The following ACTR3C variants were observed in gnomAD, a reference collection of about 807,000 sequenced individuals.
ACTR3C encodes actin related protein 3C.
In ACTR3C, 18 loss-of-function variants were observed where a neutral mutation model predicts 26.3. The observed-to-expected ratio is 0.68, with a 90% CI of 0.47 to 1.01. The LOEUF is 1.01. Ranked by LOEUF, ACTR3C falls within the 50% of genes least tolerant of loss-of-function variation. ACTR3C has a pLI of 0.00. For synonymous variants in ACTR3C, 55 were observed against 94.5 expected (o/e 0.58, Z 2.42); for missense variants, 184 against 250.7 (o/e 0.73, Z 1.80).
the ACTR3C span, among the ~76,000 whole-genome samples, chr7:149,934,173 T>C: frequency 4.6e-5 from 7 of 151,838 alleles, no homozygotes; most frequent in Non-Finnish European, 1.0e-4. Flanking sequence ...ATTCCAGGTG[T>C]CAAGTTTGAC....
downstream of ACTR3C, among the ~76,000 whole-genome samples, chr7:150,242,268 C>A (rs945168280): frequency 6.6e-6 from 1 of 150,650 alleles, no homozygotes; most frequent in Non-Finnish European, 1.5e-5. Flanking sequence ...AATGGAAGTA[C>A]TACTCATTGA....
chr7:149,950,079 A>ACCCCACT, the ACTR3C span, among the ~76,000 whole-genome samples: 7 of 149,104 alleles, frequency 4.7e-5, no homozygotes, highest in Non-Finnish European at 8.9e-5. Context: ...TGCTCCCTCC[A>ACCCCACT]CCCCACTCCC....
At chr7:150,180,598 C>T in the ACTR3C span, among the ~76,000 whole-genome samples, 179 of 146,896 alleles carry the variant, frequency 1.2e-3, 7 homozygotes, top group African/African-American at 4.6e-3. Flanking sequence ...CTGCAAGCTC[C>T]GCCTCCCGGG....
At chr7:150,116,833 C>T in the ACTR3C span, among the ~76,000 whole-genome samples, 3,261 of 152,156 alleles carry the variant, frequency 0.021, 129 homozygotes, top group African/African-American at 0.073. Flanking sequence ...CAGCTCCCAG[C>T]GAGACCAATG....
chr7:150,051,440 C>CA, the ACTR3C span, among the ~76,000 whole-genome samples: 7 of 150,132 alleles, frequency 4.7e-5, no homozygotes, highest in East Asian at 1.4e-3. Context: ...CAAAAGTACC[C>CA]AATGGGCATT....
the ACTR3C span, among the ~76,000 whole-genome samples, chr7:149,899,747 C>A: frequency 6.6e-6 from 1 of 151,358 alleles, no homozygotes. Flanking sequence ...CTAAAACTGC[C>A]AAATTTGGCA....
At chr7:149,976,346 G>A in the ACTR3C span, among the ~76,000 whole-genome samples, 2 of 152,198 alleles carry the variant, frequency 1.3e-5, no homozygotes, top group East Asian at 1.9e-4. Flanking sequence ...AGGCTGAGGC[G>A]GGCGGATCAC....
chr7:150,293,329 T>C lies in ACTR3C; in HGVS notation c.136A>G (p.Thr46Ala). Residue 46 changes from threonine to alanine, a missense_variant, in exon 3 of 8, where the codon ACC becomes GCC. Physicochemically the swap from Thr to Ala is moderately conservative, Grantham distance 58. Coordinates refer to ENST00000683684, the MANE Select transcript of ACTR3C (RefSeq NM_001164458.2). ...CTGCTTACCACTGGGATAACATGGG[T>C]GACTCCATCTCCGCTGTCAATGACT... ...GIVIDSGDGV[T>A]HVIPVAEGYV... 1 of 1,591,678 alleles carries C rather than the reference T, an allele frequency of 6.3e-7. No individual in the cohort carries two copies. Among genetic ancestry groups the C allele is most frequent in the Non-Finnish European group, 8.6e-7 (1 of 1,167,016 alleles).
At chr7:149,964,360 A>G in the ACTR3C span, among the ~76,000 whole-genome samples, 2 of 152,238 alleles carry the variant, frequency 1.3e-5, no homozygotes, top group Non-Finnish European at 2.9e-5. Context: ...ATGGGAAGAG[A>G]GATCTTTCGA....
At chr7:150,118,808 G>A in the ACTR3C span, among the ~76,000 whole-genome samples, 18 of 145,124 alleles carry the variant, frequency 1.2e-4, no homozygotes, top group Non-Finnish European at 2.6e-4. Flanking sequence ...TTGAAATGAA[G>A]GAAAAAATGT....
the ACTR3C span, among the ~76,000 whole-genome samples, chr7:150,229,617 T>C: frequency 2.6e-5 from 4 of 151,798 alleles, no homozygotes; most frequent in African/African-American, 9.7e-5. Context: ...CCTGAGTAGC[T>C]GGGACTACAG....
At chr7:150,266,648 GA>G (rs1031858359) in intron 6 of ACTR3C, among the ~76,000 whole-genome samples, 1 of 151,624 alleles carries the variant, frequency 6.6e-6, no homozygotes, top group Non-Finnish European at 1.5e-5. Flanking sequence ...CCACAGACTA[GA>G]AAAAAAATCT....
chr7:150,039,317 G>A, the ACTR3C span, among the ~76,000 whole-genome samples: 138 of 146,048 alleles, frequency 9.4e-4, no homozygotes, highest in South Asian at 4.8e-3. Context: ...AGCCAGGGGC[G>A]GAAGAGGGGA....
At chr7:150,209,994 C>G in the ACTR3C span, among the ~76,000 whole-genome samples, 6 of 149,994 alleles carry the variant, frequency 4.0e-5, no homozygotes, top group African/African-American at 1.2e-4. Context: ...AAATATATAG[C>G]TGATAAAGAC....
At chr7:150,039,817 G>A in the ACTR3C span, among the ~76,000 whole-genome samples, 25 of 133,804 alleles carry the variant, frequency 1.9e-4, no homozygotes, top group African/African-American at 2.7e-4. Flanking sequence ...CTGCCTCGCG[G>A]GGGGTGCCTC....
At chr7:150,218,855 G>A in the ACTR3C span, among the ~76,000 whole-genome samples, 1 of 134,712 alleles carries the variant, frequency 7.4e-6, no homozygotes, top group Non-Finnish European at 1.5e-5. Flanking sequence ...TCACTGATGG[G>A]TGAAACTTTA....
the ACTR3C span, among the ~76,000 whole-genome samples, chr7:150,029,351 G>A: frequency 6.7e-6 from 1 of 148,838 alleles, no homozygotes; most frequent in African/African-American, 2.5e-5. Flanking sequence ...CTTGAGCCCA[G>A]GAGTTTGAGA....
chr7:150,114,149 T>G, the ACTR3C span, among the ~76,000 whole-genome samples: 1 of 152,228 alleles, frequency 6.6e-6, no homozygotes, highest in African/African-American at 2.4e-5. Flanking sequence ...AAGGAAAAGT[T>G]CACCAACGAT....
chr7:149,977,505 T>A, the ACTR3C span, among the ~76,000 whole-genome samples: 1 of 152,194 alleles, frequency 6.6e-6, no homozygotes, highest in Non-Finnish European at 1.5e-5. Context: ...GTGAATAAAG[T>A]CACTTTCTTT....
Sources: gnomAD v4.1 joint callset for allele counts (sites outside exome capture counted in the v4.1 genomes callset) on GRCh38, gnomAD v4.1.1 for gene constraint, MANE v1.5 for transcripts, NCBI Gene and HGNC (gene_info 2026-07-23, HGNC 2026-07-21) for gene names.